The following CAPZB variants were observed in gnomAD, a reference collection of about 807,000 sequenced individuals.
CAPZB encodes capping actin protein of muscle Z-line subunit beta, also known as F-actin-capping protein subunit beta.
CAPZB carries 2 observed loss-of-function variants against 38.1 expected under a neutral mutation model. That is an observed-to-expected ratio of 0.05 (90% CI 0.02 to 0.17). CAPZB has a LOEUF of 0.17. CAPZB is among the 10% of genes least tolerant of loss of function. The probability of loss-of-function intolerance (pLI) is 1.00; values close to 1 mark genes in which losing one functional copy is unlikely to be tolerated. For missense variants in CAPZB, 161 were observed against 334.2 expected, an observed-to-expected ratio of 0.48 and a Z score of 4.04; for synonymous variants, 107 against 127.4, an observed-to-expected ratio of 0.84 and a Z score of 1.08.
intron 1 of CAPZB, among the ~76,000 whole-genome samples, chr1:19,432,560 G>A (rs2094446010): frequency 1.3e-5 from 2 of 152,150 alleles, no homozygotes; most frequent in South Asian, 4.1e-4. Flanking sequence ...AATTTCAAAC[G>A]CAAAAGGGAA....
intron 3 of CAPZB, among the ~76,000 whole-genome samples, chr1:19,382,968 T>G (rs1289878204): frequency 2.0e-5 from 3 of 152,122 alleles, no homozygotes; most frequent in Non-Finnish European, 4.4e-5. Context: ...CTCTAAGGGC[T>G]GGTCCACCCA....
intron 1 of CAPZB, among the ~76,000 whole-genome samples, chr1:19,464,826 T>C (rs912941562): frequency 7.9e-5 from 12 of 152,180 alleles, no homozygotes; most frequent in Admixed American, 5.2e-4. Context: ...TTTACAATTA[T>C]AGAAAAGGCA....
At chr1:19,471,317 C>T (rs553127003) in intron 1 of CAPZB, among the ~76,000 whole-genome samples, 1 of 152,234 alleles carries the variant, frequency 6.6e-6, no homozygotes, top group Admixed American at 6.5e-5. Context: ...TCACTCTTTC[C>T]CCATTTGTTT....
chr1:19,482,241 A>G (rs888624316), intron 1 of CAPZB, among the ~76,000 whole-genome samples: 1 of 152,326 alleles, frequency 6.6e-6, no homozygotes, highest in East Asian at 1.9e-4. Context: ...ATCACTGCCT[A>G]CTTTTTATAA....
At chr1:19,371,764 C>G (rs765185104) in intron 4 of CAPZB, among the ~76,000 whole-genome samples, 2 of 152,214 alleles carry the variant, frequency 1.3e-5, no homozygotes, top group African/African-American at 2.4e-5. Flanking sequence ...ACTCACGTCC[C>G]GAGGAAGGGG....
intron 1 of CAPZB, among the ~76,000 whole-genome samples, chr1:19,431,602 T>A (rs1209072486): frequency 6.6e-6 from 1 of 152,044 alleles, no homozygotes. Flanking sequence ...GCGCCTGTAG[T>A]CCCAGCTACT....
intron 2 of CAPZB, among the ~76,000 whole-genome samples, chr1:19,399,685 G>A (rs74498258): frequency 0.011 from 1,725 of 152,238 alleles, 83 homozygotes; most frequent in Admixed American, 0.09. Context: ...GAGTGGGAGA[G>A]GAAGTCTGGG....
chr1:19,371,195 G>C (rs2094117622), intron 4 of CAPZB, among the ~76,000 whole-genome samples: 1 of 152,212 alleles, frequency 6.6e-6, no homozygotes, highest in African/African-American at 2.4e-5. Flanking sequence ...GCCTTGCTGT[G>C]GGAGGTGGTG....
chr1:19,385,759 G>A (rs917151266), intron 2 of CAPZB, 133 bp from the exon 3 acceptor site: 2 of 1,006,328 alleles, frequency 2.0e-6, no homozygotes, highest in African/African-American at 1.6e-5. Flanking sequence ...CAAAATTATG[G>A]GCCTGTTCTT....
At chr1:19,436,646 G>A (rs985674460) in intron 1 of CAPZB, among the ~76,000 whole-genome samples, 1 of 150,406 alleles carries the variant, frequency 6.6e-6, no homozygotes, top group Non-Finnish European at 1.5e-5. Context: ...ATCCAATGGG[G>A]GTCTTGGAGT....
At chr1:19,407,850 G>A (rs2094339630) in intron 2 of CAPZB, among the ~76,000 whole-genome samples, 1 of 152,158 alleles carries the variant, frequency 6.6e-6, no homozygotes, top group Non-Finnish European at 1.5e-5. Context: ...TCAGGAAGAG[G>A]AGGGGGAGAG....
rs112399355 is a variant in CAPZB, at chr1:19,356,861, C to CT, written c.472-111dup. 0.092 allele frequency: 52,099 copies of CT among 568,588 alleles called. 2,302 individuals are homozygous for CT. The highest frequency in any genetic ancestry group is 0.31 in the African/African-American group (16,303 of 51,806). The allele number at this position is 568,588 out of a possible 1,614,324, so 35.2% of individuals were successfully genotyped here. A position where few individuals can be genotyped will look rare whatever the true frequency, so the allele number is the denominator to read the frequency against. ...TCCTAGGTCATTATCACAATATTAC[C>CT]TTTTTTTTTTTTAAATTGGAGACAA... is the stretch of plus-strand genomic sequence containing the variant. On this transcript the variant is annotated intron_variant, in intron 5 of 8. Transcript: ENST00000264202. The surrounding 1 kb of genome is among the most constrained non-coding windows in gnomAD (Gnocchi z 4.3).
intron 4 of CAPZB, among the ~76,000 whole-genome samples, chr1:19,373,013 A>C (rs1298751091): frequency 6.6e-6 from 1 of 152,180 alleles, no homozygotes; most frequent in African/African-American, 2.4e-5. Context: ...GCATTTGCGC[A>C]AACTGGCTCT....
chr1:19,403,200 G>A (rs191152776), intron 2 of CAPZB, among the ~76,000 whole-genome samples: 54 of 152,290 alleles, frequency 3.5e-4, no homozygotes, highest in Non-Finnish European at 5.7e-4. Context: ...CATTCATGGG[G>A]GCTCAAGTAG....
intron 2 of CAPZB, among the ~76,000 whole-genome samples, chr1:19,414,264 C>T (rs1241156246): frequency 6.6e-6 from 1 of 152,206 alleles, no homozygotes; most frequent in Middle Eastern, 3.2e-3. Context: ...CAAAGCATGG[C>T]TACCGCTGAG....
rs1425656222 is a variant in CAPZB at position 19,356,457 on chromosome 1, A to G, written c.588+178T>C. 6.6e-6 allele frequency among the ~76,000 whole-genome samples: 1 copy of G among 152,202 alleles called. No individual in the cohort carries two copies. Among genetic ancestry groups the G allele is most frequent in the Non-Finnish European group, 1.5e-5 (1 of 68,042 alleles). Reference sequence around the variant, plus strand: ...AGCAGAGTGCCAGCAGCTGTGGGCAACCTTGCACAGCCCAGAGAGCTTTTA... The same window carrying G: ...AGCAGAGTGCCAGCAGCTGTGGGCAGCCTTGCACAGCCCAGAGAGCTTTTA... On this transcript the variant is annotated intron_variant, in intron 6 of 8. Coordinates refer to ENST00000264202, the MANE Select transcript of CAPZB (RefSeq NM_004930.5). This position sits in a 1 kb window ranked among gnomAD's most constrained non-coding sequence, Gnocchi z 4.3.
intron 1 of CAPZB, among the ~76,000 whole-genome samples, chr1:19,458,902 G>A (rs1240729983): frequency 6.6e-6 from 1 of 152,214 alleles, no homozygotes; most frequent in Admixed American, 6.5e-5. Flanking sequence ...GAAAAATGCA[G>A]GCAGGCTTCT....
At chr1:19,405,877 A>T (rs1362984441) in intron 2 of CAPZB, among the ~76,000 whole-genome samples, 1 of 152,212 alleles carries the variant, frequency 6.6e-6, no homozygotes, top group East Asian at 1.9e-4. Flanking sequence ...CAATGGGCCC[A>T]TTAGGACCCG....
intron 2 of CAPZB, among the ~76,000 whole-genome samples, chr1:19,390,773 G>A (rs186679831): frequency 3.9e-5 from 6 of 152,320 alleles, no homozygotes; most frequent in African/African-American, 2.4e-5. Flanking sequence ...GATGCCATTG[G>A]CAACGGCCTC....
Sources: gnomAD v4.1 joint callset for allele counts (sites outside exome capture counted in the v4.1 genomes callset) on GRCh38, gnomAD v4.1.1 for gene constraint, Gnocchi (gnomAD v3.1) non-coding constraint, MANE v1.5 for transcripts, NCBI Gene and HGNC (gene_info 2026-07-23, HGNC 2026-07-21) for gene names.